HELZ: variants seen among roughly 807,000 people sequenced by gnomAD.
HELZ encodes ATP-dependent RNA helicase with zinc finger domain.
HELZ carries 23 observed loss-of-function variants against 218.2 expected under a neutral mutation model. That is an observed-to-expected ratio of 0.11 (90% confidence interval 0.08 to 0.15). HELZ has a LOEUF of 0.15. Ranked by LOEUF, HELZ falls within the 10% of genes least tolerant of loss-of-function variation. HELZ has a pLI of 1.00. For synonymous variants in HELZ, 814 were observed against 829.4 expected (o/e 0.98, Z 0.32); for missense variants, 1,813 against 2,353.7 (o/e 0.77, Z 4.75).
At chr17:67,194,173 T>A in intron 8 of HELZ, 131 bp from the exon 9 acceptor site, 1 of 641,410 alleles carries the variant, frequency 1.6e-6, no homozygotes, top group Admixed American at 3.0e-5. Context: ...CATGACATAC[T>A]TGCCTCTACC....
chr17:67,079,332 C>T (rs1370515970), intron 32 of HELZ, among the ~76,000 whole-genome samples: 3 of 152,214 alleles, frequency 2.0e-5, no homozygotes, highest in Non-Finnish European at 1.5e-5. Flanking sequence ...ATTCATACTT[C>T]TAAATACCAG....
In HELZ at chr17:67,167,803, C is replaced by G; in HGVS notation, c.1431-7G>C. On this transcript the variant is annotated splice_region_variant and splice_polypyrimidine_tract_variant and intron_variant, in intron 13 of 32. Transcript: ENST00000358691. ...TTGCACTTTAAGGTTGAACCTAAAC[C>G]AGAAGTAGAAAACTAGTTTGAATAT... 6.4e-7 allele frequency: 1 copy of G among 1,560,926 alleles called. No homozygotes were observed. Among genetic ancestry groups the G allele is most frequent in the East Asian group, 2.3e-5 (1 of 44,204 alleles).
Position 67,123,001 on chromosome 17 carries a change from C to G in HELZ, c.3599G>C (p.Gly1200Ala). The change falls in exon 26 of 33, where the codon GGA (glycine) becomes GCA (alanine). Residue 1200 changes from glycine to alanine, a missense_variant. Physicochemically the swap from Gly to Ala is moderately conservative, Grantham distance 60. Coordinates refer to ENST00000358691, the MANE Select transcript of HELZ (RefSeq NM_014877.4). ...AGGCACCGACATAACTACATTCCCT[C>G]CATAGACAGCAGGTACATAAAGAAT... The part of the protein sequence containing the change: ...TSILYVPAVY[G>A]GNVVMSVPLP... The G allele has an allele frequency of 6.2e-7, 1 of 1,613,062 alleles. No homozygotes were observed.
intron 31 of HELZ, among the ~76,000 whole-genome samples, chr17:67,094,096 C>A (rs1025472603): frequency 6.6e-6 from 1 of 152,036 alleles, no homozygotes; most frequent in African/African-American, 2.4e-5. Context: ...CCGAGGTGGG[C>A]AGAGTGCTTA....
chr17:67,125,343 T>TATATATATAC lies in HELZ; in HGVS notation c.3388-1330_3388-1329insGTATATATAT, dbSNP rs1555605956. Reference sequence around the variant, plus strand: ...ATATATATATATATATATATATATATATACTTGTGAGGAATAGAGACGTGA... The same window carrying TATATATATAC: ...ATATATATATATATATATATATATATATATATATACATACTTGTGAGGAATAGAGACGTGA... On this transcript the variant is annotated intron_variant, in intron 24 of 32. Coordinates refer to ENST00000358691, the MANE Select transcript of HELZ (RefSeq NM_014877.4). Among the ~76,000 whole-genome samples, 66 of 61,394 alleles carry TATATATATAC rather than the reference T, an allele frequency of 1.1e-3. 9 individuals carry two copies. Among genetic ancestry groups the TATATATATAC allele is most frequent in the Non-Finnish European group, 1.5e-3 (50 of 32,376 alleles). 40.3% of individuals were successfully genotyped at this position (61,394 alleles called of 152,430 possible). A position where few individuals can be genotyped will look rare whatever the true frequency, so the allele number is the denominator to read the frequency against.
intron 14 of HELZ, 109 bp downstream of exon 14, chr17:67,167,354 G>A (rs2039175024): frequency 1.3e-6 from 1 of 791,182 alleles, no homozygotes; most frequent in Admixed American, 2.6e-5. Context: ...AGACTTCAAA[G>A]TCAGCTTTGC....
At chr17:67,148,767 T>G (rs2038587192) in intron 19 of HELZ, 53 bp from the exon 20 acceptor site, 1 of 1,501,684 alleles carries the variant, frequency 6.7e-7, no homozygotes, top group African/African-American at 1.4e-5. Context: ...AAATAGTATT[T>G]TTTAACCTAC....
At chr17:67,189,540 C>A (rs2039841741) in intron 11 of HELZ, 49 bp downstream of exon 11, 5 of 1,229,582 alleles carry the variant, frequency 4.1e-6, no homozygotes, top group Non-Finnish European at 6.0e-6. Context: ...AAAAAACGTT[C>A]AGAAAATTAA....
At chr17:67,206,512 T>C (rs1208036285) in intron 5 of HELZ, among the ~76,000 whole-genome samples, 1 of 152,040 alleles carries the variant, frequency 6.6e-6, no homozygotes, top group African/African-American at 2.4e-5. Flanking sequence ...AATTACCTAA[T>C]ATAAGGAAAG....
At chr17:67,124,650 G>A (rs146581385) in intron 24 of HELZ, among the ~76,000 whole-genome samples, 49 of 152,262 alleles carry the variant, frequency 3.2e-4, no homozygotes, top group African/African-American at 1.1e-3. Flanking sequence ...CCCAGTAAGT[G>A]CACTTCCAGA....
chr17:67,085,848 C>A (rs74719128), intron 32 of HELZ, among the ~76,000 whole-genome samples: 3,619 of 152,218 alleles, frequency 0.024, 133 homozygotes, highest in African/African-American at 0.079. Context: ...AAGATCAAAG[C>A]GCATTCATCT....
chr17:67,161,764 T>A (rs2039000959), intron 15 of HELZ, among the ~76,000 whole-genome samples: 1 of 152,214 alleles, frequency 6.6e-6, no homozygotes, highest in African/African-American at 2.4e-5. Context: ...AGATGGCTAC[T>A]GTAATGAGAT....
intron 9 of HELZ, among the ~76,000 whole-genome samples, chr17:67,193,134 G>C (rs2039939273): frequency 6.6e-6 from 1 of 151,828 alleles, no homozygotes; most frequent in Non-Finnish European, 1.5e-5. Context: ...CTTGAGCTCA[G>C]GAGTTCAAAA....
At chr17:67,080,309 C>A (rs2143528530) in intron 32 of HELZ, among the ~76,000 whole-genome samples, 1 of 152,248 alleles carries the variant, frequency 6.6e-6, no homozygotes, top group Non-Finnish European at 1.5e-5. Flanking sequence ...TCTTCCTGTT[C>A]CACTGAACCG....
chr17:67,183,190 C>G (rs1005971737), intron 12 of HELZ, among the ~76,000 whole-genome samples: 1 of 152,064 alleles, frequency 6.6e-6, no homozygotes, highest in Admixed American at 6.5e-5. Context: ...CACAGTAATC[C>G]CAAACTACTG....
chr17:67,239,528 G>A (rs2041268514), intron 2 of HELZ, 39 bp from the exon 3 acceptor site: 2 of 152,114 alleles, frequency 1.3e-5, no homozygotes, highest in Non-Finnish European at 2.9e-5. Flanking sequence ...ATACATAGTA[G>A]AAAACACCAT....
chr17:67,081,810 A>AG (rs1444859686), intron 32 of HELZ, among the ~76,000 whole-genome samples: 1 of 152,140 alleles, frequency 6.6e-6, no homozygotes, highest in Admixed American at 6.5e-5. Flanking sequence ...GGGGCGGGGC[A>AG]GGGGGGTGCA....
intron 3 of HELZ, among the ~76,000 whole-genome samples, chr17:67,237,988 CAAAAAAAA>C (rs796850668): frequency 1.1e-5 from 1 of 87,080 alleles, no homozygotes; most frequent in Non-Finnish European, 2.5e-5. Flanking sequence ...GACTCCATCT[CAAAAAAAA>C]AAAAAAAAAG....
Position 67,135,954 on chromosome 17 carries a change from A to G in HELZ, c.3182+16T>C. On this transcript the variant is annotated intron_variant, in intron 23 of 32. Coordinates refer to ENST00000358691, the MANE Select transcript of HELZ (RefSeq NM_014877.4). ...CACATTTCCCCTTTAATGTCTCAAC[A>G]TTAACACATAATTACCTGCATCTTC... The G allele has an allele frequency of 1.9e-6, 3 of 1,587,170 alleles. No homozygotes were observed. Among genetic ancestry groups the G allele is most frequent in the Non-Finnish European group, 2.6e-6 (3 of 1,158,404 alleles).
Sources: gnomAD v4.1 joint callset for allele counts (sites outside exome capture counted in the v4.1 genomes callset) on GRCh38, gnomAD v4.1.1 for gene constraint, MANE v1.5 for transcripts, NCBI Gene and HGNC (gene_info 2026-07-23, HGNC 2026-07-21) for gene names.